Variants in GPC6 observed in about 807,000 individuals in gnomAD.
GPC6 encodes the protein glypican-6.
GPC6 carries 14 observed loss-of-function variants against 55.2 expected under a neutral mutation model. The ratio of observed to expected loss-of-function variants is 0.25; its 90% CI spans 0.17 to 0.40. The LOEUF is 0.40. Among genes scored for constraint, GPC6 ranks in the 10% least tolerant of loss-of-function variants. The pLI, the probability that GPC6 is intolerant of heterozygous loss-of-function variation, is 1.00. For missense variants in GPC6, 641 were observed against 708.5 expected (o/e 0.90, Z 1.08); for synonymous variants, 278 against 259.6 (o/e 1.07, Z -0.68).
chr13:94,368,238 A>G (rs1168852967), intron 6 of GPC6, among the ~76,000 whole-genome samples: 1 of 151,970 alleles, frequency 6.6e-6, no homozygotes, highest in Non-Finnish European at 1.5e-5. Flanking sequence ...CCCTGGGAAC[A>G]TATGATAGAG....
intron 6 of GPC6, among the ~76,000 whole-genome samples, chr13:94,377,302 A>C (rs1879917324): frequency 8.1e-6 from 1 of 123,604 alleles, no homozygotes; most frequent in African/African-American, 3.0e-5. Flanking sequence ...CTCATCTGAC[A>C]AAGGGCTAAT....
At position 94,076,096 on chromosome 13, in the gene GPC6, A is replaced by G. The variant is rs192161977; in HGVS notation, c.877+48202A>G. 9.3e-4 allele frequency among the ~76,000 whole-genome samples: 140 copies of G among 151,186 alleles called. 2 individuals carry two copies. Among genetic ancestry groups the G allele is most frequent in the Middle Eastern group, 6.9e-3 (2 of 288 alleles). On this transcript the variant is annotated intron_variant, in intron 4 of 8. Coordinates refer to ENST00000377047, the MANE Select transcript of GPC6 (RefSeq NM_005708.5). ...CCCACCAACAGAGTGCAGGGGTTCC[A>G]GTTTCTCCACATCCTACCCAACACT...
the GPC6 span, among the ~76,000 whole-genome samples, chr13:93,217,016 T>C: frequency 6.6e-6 from 1 of 152,118 alleles, no homozygotes; most frequent in African/African-American, 2.4e-5. Flanking sequence ...TTTAAGTAAA[T>C]TTGAAGAACA....
chr13:93,378,375 C>T (rs1297552438), intron 1 of GPC6, among the ~76,000 whole-genome samples: 1 of 152,174 alleles, frequency 6.6e-6, no homozygotes, highest in African/African-American at 2.4e-5. Flanking sequence ...CGCTGTTGTT[C>T]TTCCTCCAGC....
chr13:93,929,653 T>G (rs1169161314), intron 3 of GPC6, among the ~76,000 whole-genome samples: 3 of 152,092 alleles, frequency 2.0e-5, no homozygotes, highest in Non-Finnish European at 4.4e-5. Context: ...CTGAAGGAGT[T>G]CAGGGTCTAG....
chr13:93,617,120 T>C (rs1878756002), intron 2 of GPC6, among the ~76,000 whole-genome samples: 1 of 152,090 alleles, frequency 6.6e-6, no homozygotes, highest in African/African-American at 2.4e-5. Flanking sequence ...TGGAGTAATA[T>C]TGAGGATGAT....
At chr13:94,286,524 A>C in intron 5 of GPC6, 45 bp downstream of exon 5, 1 of 1,562,840 alleles carries the variant, frequency 6.4e-7, no homozygotes, top group South Asian at 1.1e-5. Flanking sequence ...TATGTTATAC[A>C]GGTGCAATAA....
intron 4 of GPC6, among the ~76,000 whole-genome samples, chr13:94,118,036 T>A (rs1404194919): frequency 6.6e-6 from 1 of 152,140 alleles, no homozygotes; most frequent in African/African-American, 2.4e-5. Flanking sequence ...AAGATTTTAA[T>A]GTAAAATTGC....
At chr13:93,959,936 A>G (rs995118176) in intron 3 of GPC6, among the ~76,000 whole-genome samples, 2 of 152,302 alleles carry the variant, frequency 1.3e-5, no homozygotes, top group South Asian at 2.1e-4. Flanking sequence ...TTCTGCCTCT[A>G]AAAAGCCTTG....
At chr13:94,261,265 A>G (rs979683654) in intron 4 of GPC6, among the ~76,000 whole-genome samples, 3 of 152,168 alleles carry the variant, frequency 2.0e-5, no homozygotes, top group Admixed American at 6.5e-5. Context: ...AAAGAGTGAA[A>G]CTCTGTCTCA....
At chr13:93,368,648 C>G (rs1034221156) in intron 1 of GPC6, among the ~76,000 whole-genome samples, 1 of 151,856 alleles carries the variant, frequency 6.6e-6, no homozygotes, top group Non-Finnish European at 1.5e-5. Flanking sequence ...GGTGCTGCAC[C>G]TTTGAACCAA....
intron 2 of GPC6, among the ~76,000 whole-genome samples, chr13:93,770,091 A>G (rs73547588): frequency 0.074 from 11,316 of 152,192 alleles, 861 homozygotes; most frequent in African/African-American, 0.19. Context: ...TGAGGGCCAA[A>G]ATAGTGCATG....
chr13:93,359,598 A>G (rs1880976049), intron 1 of GPC6, among the ~76,000 whole-genome samples: 1 of 152,228 alleles, frequency 6.6e-6, no homozygotes, highest in Non-Finnish European at 1.5e-5. Context: ...ATTTTTCTGG[A>G]CCTTAAATAT....
At chr13:93,606,324 T>G (rs1015877845) in intron 2 of GPC6, among the ~76,000 whole-genome samples, 1 of 152,178 alleles carries the variant, frequency 6.6e-6, no homozygotes, top group African/African-American at 2.4e-5. Context: ...CACTAAGGAT[T>G]TAAGCAGTTC....
intron 2 of GPC6, among the ~76,000 whole-genome samples, chr13:93,590,277 G>A (rs960724919): frequency 6.6e-6 from 1 of 152,032 alleles, no homozygotes; most frequent in Non-Finnish European, 1.5e-5. Flanking sequence ...GTGTTAGTAG[G>A]GAACTATTAG....
At chr13:94,076,856 TGTC>T in intron 4 of GPC6, among the ~76,000 whole-genome samples, 1 of 151,882 alleles carries the variant, frequency 6.6e-6, no homozygotes, top group East Asian at 1.9e-4. Context: ...TTTATGCCAG[TGTC>T]ATACTGTTTG....
At chr13:93,955,751 G>T (rs1879481333) in intron 3 of GPC6, among the ~76,000 whole-genome samples, 1 of 152,104 alleles carries the variant, frequency 6.6e-6, no homozygotes, top group Non-Finnish European at 1.5e-5. Context: ...TTCGGGTAGG[G>T]TAACTGTTTT....
chr13:93,785,295 A>G (rs1263330055), intron 2 of GPC6, among the ~76,000 whole-genome samples: 1 of 152,174 alleles, frequency 6.6e-6, no homozygotes, highest in Non-Finnish European at 1.5e-5. Flanking sequence ...GAATATGATA[A>G]ATGAGGTAGA....
chr13:94,355,928 C>CTA (rs1878771075), intron 6 of GPC6, among the ~76,000 whole-genome samples: 1 of 152,152 alleles, frequency 6.6e-6, no homozygotes, highest in African/African-American at 2.4e-5. Context: ...CTGATGCTCT[C>CTA]CCTCCCCCTG....
Sources: gnomAD v4.1 joint callset for allele counts (sites outside exome capture counted in the v4.1 genomes callset) on GRCh38, gnomAD v4.1.1 for gene constraint, MANE v1.5 for transcripts, NCBI Gene and HGNC (gene_info 2026-07-23, HGNC 2026-07-21) for gene names.